BMPR2: variants seen among roughly 807,000 people sequenced by gnomAD.
BMPR2 encodes bone morphogenetic protein receptor type-2.
A neutral mutation model predicts 100.8 loss-of-function variants in BMPR2; 29 were observed. The ratio of observed to expected loss-of-function variants is 0.29; its 90% CI spans 0.21 to 0.39. The LOEUF (loss-of-function observed/expected upper bound fraction) is 0.39, where lower values mean the gene tolerates loss of function less well. Among genes scored for constraint, BMPR2 ranks in the 10% least tolerant of loss-of-function variants. BMPR2 has a pLI of 1.00. For missense variants in BMPR2, 1,011 were observed against 1,274.5 expected (o/e 0.79, Z 3.15); for synonymous variants, 382 against 442.3 (o/e 0.86, Z 1.71).
At chr2:202,436,737 G>A (rs1691623007) in intron 1 of BMPR2, among the ~76,000 whole-genome samples, 1 of 150,248 alleles carries the variant, frequency 6.7e-6, no homozygotes, top group Non-Finnish European at 1.5e-5. Context: ...TATATATGTG[G>A]TCCTATTCCT....
intron 1 of BMPR2, among the ~76,000 whole-genome samples, chr2:202,405,687 C>T (rs1162869019): frequency 1.6e-5 from 1 of 62,328 alleles, no homozygotes; most frequent in African/African-American, 6.0e-5. Flanking sequence ...GACTCCGCCT[C>T]AAAAAAAAAA....
intron 10 of BMPR2, among the ~76,000 whole-genome samples, chr2:202,551,746 G>A (rs1323439003): frequency 6.6e-6 from 1 of 152,006 alleles, no homozygotes; most frequent in African/African-American, 2.4e-5. Context: ...GTCACCCGGG[G>A]AGGAGTGCAG....
At chr2:202,537,331 A>T (rs1472378005) in intron 9 of BMPR2, among the ~76,000 whole-genome samples, 1 of 152,236 alleles carries the variant, frequency 6.6e-6, no homozygotes, top group Non-Finnish European at 1.5e-5. Context: ...TGCTACAAAC[A>T]ATATATTTTG....
chr2:202,515,795 T>C (rs1306825980), intron 5 of BMPR2, among the ~76,000 whole-genome samples: 2 of 151,658 alleles, frequency 1.3e-5, no homozygotes, highest in Non-Finnish European at 2.9e-5. Context: ...AGGCTGAGGC[T>C]AGCGAATTGC....
At chr2:202,469,639 C>G (rs1229400197) in intron 3 of BMPR2, 1 of 173,614 alleles carries the variant, frequency 5.8e-6, no homozygotes, top group Non-Finnish European at 1.3e-5. Flanking sequence ...CCACCACACC[C>G]AGCTAATTGT....
In BMPR2 at chr2:202,532,680, T is replaced by C. The variant is rs777179494; in HGVS notation, c.1224T>C (p.Ala408=). ...CTTTGAAACAAGTAGACATGTATGC[T>C]CTTGGACTAATCTATTGGGAGATAT... ...ESALKQVDMY[A]LGLIYWEIFM... The change falls in exon 9 of 13, where the codon GCT becomes GCC. Residue 408 remains alanine, a synonymous_variant. Transcript: ENST00000374580. The surrounding 1 kb of genome is among the most constrained non-coding windows in gnomAD (Gnocchi z 4.1). The C allele has an allele frequency of 1.9e-6, 3 of 1,613,714 alleles. No individual in the cohort carries two copies. The Admixed American group carries it at 5.0e-5, about 27-fold the overall frequency.
chr2:202,429,928 TTGAGA>T (rs1305178454), intron 1 of BMPR2, among the ~76,000 whole-genome samples: 2 of 152,182 alleles, frequency 1.3e-5, no homozygotes, highest in Non-Finnish European at 2.9e-5. Context: ...GGATTACGAT[TTGAGA>T]TGAGATTTGG....
In BMPR2 at chr2:202,503,408, C is replaced by T. The variant is rs943182689; in HGVS notation, c.419-10311C>T. 3.9e-5 allele frequency among the ~76,000 whole-genome samples: 6 copies of T among 152,232 alleles called. No homozygotes were observed. Among genetic ancestry groups the T allele is most frequent in the South Asian group, 2.1e-4 (1 of 4,836 alleles). ...GGAGAGGCGCAAGCAGGAACCGGGG[C>T]GGCGTGCCGCGCTTGCGGGCCAGCC... On this transcript the variant is annotated intron_variant, in intron 3 of 12. Coordinates refer to ENST00000374580, the MANE Select transcript of BMPR2 (RefSeq NM_001204.7). This position sits in a 1 kb window ranked among gnomAD's most constrained non-coding sequence, Gnocchi z 4.0.
chr2:202,496,059 G>GT (rs1368158471), intron 3 of BMPR2, among the ~76,000 whole-genome samples: 15 of 152,332 alleles, frequency 9.8e-5, no homozygotes, highest in Admixed American at 5.2e-4. Context: ...ACTCAAAAAA[G>GT]TAGAGTGAAC....
intron 1 of BMPR2, among the ~76,000 whole-genome samples, chr2:202,413,990 A>T (rs946681653): frequency 2.0e-5 from 3 of 152,172 alleles, no homozygotes; most frequent in Non-Finnish European, 4.4e-5. Flanking sequence ...TGTTTCATAT[A>T]TACATATACA....
chr2:202,383,289 A>G (rs1690339624), intron 1 of BMPR2, among the ~76,000 whole-genome samples: 1 of 152,104 alleles, frequency 6.6e-6, no homozygotes, highest in African/African-American at 2.4e-5. Flanking sequence ...GCTCACACCT[A>G]TAATCCCAGC....
chr2:202,520,065 T>TC lies in BMPR2; in HGVS notation c.853-21dup, dbSNP rs11464745. 0.037 allele frequency: 54,404 copies of TC among 1,484,684 alleles called. 614 individuals carry two copies. The highest frequency in any genetic ancestry group is 0.082 in the Middle Eastern group (475 of 5,782). The allele number at this position is 1,484,684 out of a possible 1,614,324, so 92.0% of individuals were successfully genotyped here. A position where few individuals can be genotyped will look rare whatever the true frequency, so the allele number is the denominator to read the frequency against. On this transcript the variant is annotated intron_variant, in intron 6 of 12. Transcript: ENST00000374580. ...GAGTTAATTCTACCTTTTTTTTTTT[T>TC]CGCATTTTTTCCTCTATATAGGGAT...
intron 1 of BMPR2, among the ~76,000 whole-genome samples, chr2:202,405,071 T>A (rs1559027932): frequency 6.6e-6 from 1 of 151,906 alleles, no homozygotes; most frequent in African/African-American, 2.4e-5. Flanking sequence ...GATCCTCCCA[T>A]CTCAGCCTCC....
intron 1 of BMPR2, among the ~76,000 whole-genome samples, chr2:202,409,049 A>G (rs1287877782): frequency 6.6e-6 from 1 of 152,216 alleles, no homozygotes; most frequent in Non-Finnish European, 1.5e-5. Context: ...ATGTTCATCA[A>G]AACAGGTATA....
At chr2:202,480,909 C>G (rs927664617) in intron 3 of BMPR2, among the ~76,000 whole-genome samples, 1 of 132,636 alleles carries the variant, frequency 7.5e-6, no homozygotes, top group African/African-American at 2.8e-5. Context: ...GAGCCGAGAT[C>G]GTGCCACTGC....
chr2:202,381,232 G>A (rs937491359), intron 1 of BMPR2, among the ~76,000 whole-genome samples: 7 of 151,920 alleles, frequency 4.6e-5, no homozygotes, highest in South Asian at 2.1e-4. Context: ...CTCTGCCTCC[G>A]AAAGTGCTGG....
At chr2:202,536,870 CAAAA>C (rs34999694) in intron 9 of BMPR2, among the ~76,000 whole-genome samples, 2 of 84,258 alleles carry the variant, frequency 2.4e-5, no homozygotes, top group African/African-American at 4.3e-5. Context: ...AACTCGGTCT[CAAAA>C]AAAAAAAAAA....
At chr2:202,456,204 C>A (rs1334463852) in intron 1 of BMPR2, among the ~76,000 whole-genome samples, 2 of 150,014 alleles carry the variant, frequency 1.3e-5, no homozygotes, top group Non-Finnish European at 3.0e-5. Flanking sequence ...TGAAGTCTTG[C>A]CGTGTCGCCC....
At chr2:202,548,488 T>C (rs139470347) in intron 10 of BMPR2, among the ~76,000 whole-genome samples, 34 of 152,206 alleles carry the variant, frequency 2.2e-4, no homozygotes, top group African/African-American at 8.2e-4. Context: ...GTTTACATCA[T>C]TACATATAGT....
Sources: gnomAD v4.1 joint callset for allele counts (sites outside exome capture counted in the v4.1 genomes callset) on GRCh38, gnomAD v4.1.1 for gene constraint, Gnocchi (gnomAD v3.1) non-coding constraint, MANE v1.5 for transcripts, NCBI Gene and HGNC (gene_info 2026-07-23, HGNC 2026-07-21) for gene names.